SCAPER: variants seen among roughly 807,000 people sequenced by gnomAD.
SCAPER encodes S phase cyclin A-associated protein in the endoplasmic reticulum.
A neutral mutation model predicts 182.2 loss-of-function variants in SCAPER; 98 were observed. That is an observed-to-expected ratio of 0.54 (90% CI 0.46 to 0.64). The LOEUF is 0.64. SCAPER is among the 30% of genes least tolerant of loss of function. The pLI is 0.00. For synonymous variants in SCAPER, 605 were observed against 564.6 expected (o/e 1.07, Z -1.01); for missense variants, 1,432 against 1,690.0 (o/e 0.85, Z 2.68).
intron 26 of SCAPER, among the ~76,000 whole-genome samples, chr15:76,429,387 A>C (rs1445213620): frequency 6.6e-6 from 1 of 152,216 alleles, no homozygotes; most frequent in Non-Finnish European, 1.5e-5. Flanking sequence ...TGGAGGGCTC[A>C]GAAGAAGACA....
chr15:76,592,329 A>C (rs1337407611), intron 22 of SCAPER, among the ~76,000 whole-genome samples: 1 of 71,444 alleles, frequency 1.4e-5, no homozygotes, highest in East Asian at 3.4e-4. Context: ...TACAGCCCAC[A>C]GCCCACTGCT....
chr15:76,844,210 T>G (rs2069787172), intron 4 of SCAPER, among the ~76,000 whole-genome samples: 1 of 147,630 alleles, frequency 6.8e-6, no homozygotes, highest in Non-Finnish European at 1.5e-5. Flanking sequence ...TTCACACAAT[T>G]GGATTCCATG....
intron 27 of SCAPER, among the ~76,000 whole-genome samples, chr15:76,387,448 T>C (rs1041429896): frequency 3.3e-5 from 5 of 152,234 alleles, no homozygotes; most frequent in African/African-American, 9.6e-5. Context: ...ATGTGTTGAA[T>C]GGCTGAATAA....
intron 5 of SCAPER, among the ~76,000 whole-genome samples, chr15:76,806,525 T>G (rs1012628574): frequency 6.6e-6 from 1 of 152,162 alleles, no homozygotes; most frequent in Non-Finnish European, 1.5e-5. Context: ...TTCTACATAC[T>G]TTGCATCCCC....
intron 29 of SCAPER, among the ~76,000 whole-genome samples, chr15:76,374,190 C>G (rs1204624959): frequency 6.6e-6 from 1 of 151,944 alleles, no homozygotes; most frequent in African/African-American, 2.4e-5. Flanking sequence ...GAGTTTGAGA[C>G]CAGCCTGGCC....
intron 23 of SCAPER, among the ~76,000 whole-genome samples, chr15:76,517,685 T>A (rs1211643548): frequency 6.6e-6 from 1 of 152,168 alleles, no homozygotes; most frequent in Non-Finnish European, 1.5e-5. Context: ...GGTATGTTTA[T>A]CAAAACTAAG....
chr15:76,745,708 T>C (rs1417471639), intron 15 of SCAPER, among the ~76,000 whole-genome samples: 1 of 152,206 alleles, frequency 6.6e-6, no homozygotes, highest in Non-Finnish European at 1.5e-5. Flanking sequence ...AATTTGCTTA[T>C]AAAAGTCACT....
intron 10 of SCAPER, among the ~76,000 whole-genome samples, chr15:76,769,776 T>C (rs1051886652): frequency 1.3e-5 from 2 of 152,088 alleles, no homozygotes; most frequent in African/African-American, 4.8e-5. Context: ...TTAGTTCAAC[T>C]ATTGTGGAAG....
At chr15:76,560,620 C>A (rs2046543309) in intron 23 of SCAPER, among the ~76,000 whole-genome samples, 1 of 152,120 alleles carries the variant, frequency 6.6e-6, no homozygotes, top group South Asian at 2.1e-4. Context: ...CAATGATGAT[C>A]CAAATCCAAC....
rs780898735 is a variant in SCAPER, at chr15:76,633,370, G to A, written c.2646-11541C>T. Among the ~76,000 whole-genome samples, 4 of 152,176 alleles carry A rather than the reference G, an allele frequency of 2.6e-5. No homozygotes were observed. In the South Asian group the frequency reaches 6.2e-4, roughly 24 times the overall value. On this transcript the variant is annotated intron_variant, in intron 21 of 31. Coordinates refer to ENST00000563290, the MANE Select transcript of SCAPER (RefSeq NM_020843.4). ...AACACTCCTGTATGAGGTGTCTGGCGAACTCTATTGGGACATCTCACTCAG... is the reference window on the plus strand; with the variant it reads ...AACACTCCTGTATGAGGTGTCTGGCAAACTCTATTGGGACATCTCACTCAG...
At chr15:76,426,701 CAAAA>C (rs1160653102) in intron 26 of SCAPER, among the ~76,000 whole-genome samples, 1 of 151,100 alleles carries the variant, frequency 6.6e-6, no homozygotes, top group Non-Finnish European at 1.5e-5. Flanking sequence ...TCTTCACACA[CAAAA>C]AAAACAATCC....
intron 23 of SCAPER, among the ~76,000 whole-genome samples, chr15:76,561,239 CAT>C (rs1380347528): frequency 1.3e-5 from 2 of 152,162 alleles, no homozygotes; most frequent in Non-Finnish European, 2.9e-5. Flanking sequence ...CTCAATGTCA[CAT>C]GTTGGGCCAA....
chr15:76,733,069 C>G (rs1028914369), intron 16 of SCAPER, among the ~76,000 whole-genome samples, 160 bp downstream of exon 16: 5 of 152,132 alleles, frequency 3.3e-5, no homozygotes, highest in Non-Finnish European at 5.9e-5. Context: ...TGGTAGTGGT[C>G]CCCCCAGGCC....
chr15:76,723,943 G>A (rs923612113), intron 17 of SCAPER, among the ~76,000 whole-genome samples: 4 of 152,166 alleles, frequency 2.6e-5, no homozygotes, highest in African/African-American at 7.2e-5. Flanking sequence ...GTATTGTTAC[G>A]TGTGAATTTG....
intron 9 of SCAPER, among the ~76,000 whole-genome samples, chr15:76,772,231 G>A (rs2063512186): frequency 6.6e-6 from 1 of 151,908 alleles, no homozygotes; most frequent in African/African-American, 2.4e-5. Flanking sequence ...TCTTGTAGTA[G>A]GCCAATTTGT....
intron 5 of SCAPER, among the ~76,000 whole-genome samples, chr15:76,814,000 T>G (rs190057730): frequency 6.6e-6 from 1 of 152,102 alleles, no homozygotes. Context: ...AAACCCCGTC[T>G]CTACTAAAAT....
At chr15:76,901,662 A>T (rs924096070) in intron 1 of SCAPER, among the ~76,000 whole-genome samples, 3 of 152,218 alleles carry the variant, frequency 2.0e-5, no homozygotes, top group African/African-American at 7.2e-5. Flanking sequence ...GCAAAACTTT[A>T]TGAAATCTTT....
intron 25 of SCAPER, among the ~76,000 whole-genome samples, chr15:76,465,629 C>G (rs1408051890): frequency 6.6e-6 from 1 of 152,084 alleles, no homozygotes; most frequent in Non-Finnish European, 1.5e-5. Context: ...GGTGTCATAT[C>G]TGATAAATCA....
chr15:76,800,127 C>T (rs1462946172), intron 7 of SCAPER, 121 bp downstream of exon 7: 1 of 546,694 alleles, frequency 1.8e-6, no homozygotes, highest in South Asian at 2.2e-5. Flanking sequence ...AACCTGTATA[C>T]AGTATTCTGC....
Sources: gnomAD v4.1 joint callset for allele counts (sites outside exome capture counted in the v4.1 genomes callset) on GRCh38, gnomAD v4.1.1 for gene constraint, MANE v1.5 for transcripts, NCBI Gene and HGNC (gene_info 2026-07-23, HGNC 2026-07-21) for gene names.